TTL: variants seen among roughly 807,000 people sequenced by gnomAD.
The protein encoded by TTL is tubulin--tyrosine ligase.
Under a neutral mutation model 41.1 loss-of-function variants are expected in TTL, and 10 were observed. The observed-to-expected ratio is 0.24, with a 90% CI of 0.15 to 0.41. The LOEUF is 0.41. TTL is among the 10% of genes least tolerant of loss of function. The pLI, the probability that TTL is intolerant of heterozygous loss-of-function variation, is 1.00. For missense variants in TTL, 367 were observed against 460.4 expected (o/e 0.80, Z 1.86); for synonymous variants, 175 against 175.5 (o/e 1.00, Z 0.02).
rs1371501457 is a variant in TTL, at chr2:112,485,901, C to T, written c.158-16C>T. 1 of 1,613,098 alleles carries T rather than the reference C, an allele frequency of 6.2e-7. No homozygotes were observed. Among genetic ancestry groups the T allele is most frequent in the Admixed American group, 1.7e-5 (1 of 59,906 alleles). On this transcript the variant is annotated splice_polypyrimidine_tract_variant and intron_variant, in intron 1 of 6. Coordinates refer to ENST00000233336, the MANE Select transcript of TTL (RefSeq NM_153712.5). ...TGTGTCCTGTGTCCCTTCTGAGCCT[C>T]CTCTTTCCTTCCTAGGTCACGAGCC...
At chr2:112,497,026 T>C (rs1175431485) in intron 3 of TTL, among the ~76,000 whole-genome samples, 10 of 151,874 alleles carry the variant, frequency 6.6e-5, no homozygotes, top group Admixed American at 5.3e-4. Flanking sequence ...TTCACCACAT[T>C]AGCCAGGATG....
Position 112,537,548 on chromosome 2 carries a change from T to TA in TTL, c.*8754dup, listed in dbSNP as rs1326408109. On this transcript the variant is annotated 3_prime_UTR_variant, in exon 7 of 7. Transcript: ENST00000233336. ...AGCTATTCTGACTGGCGTGAGATGATATCTTATTGTGGTTGTGATTTCCAT... is the reference window on the plus strand; with the variant it reads ...AGCTATTCTGACTGGCGTGAGATGATAATCTTATTGTGGTTGTGATTTCCAT... 1 of 152,240 alleles carries TA rather than the reference T, an allele frequency of 6.6e-6. No individual in the cohort carries two copies. The highest frequency in any genetic ancestry group is 1.5e-5 in the Non-Finnish European group (1 of 68,052). The allele number at this position is 152,240 out of a possible 1,614,324, so 9.4% of individuals were successfully genotyped here.
chr2:112,519,538 T>C (rs764197988), intron 5 of TTL, among the ~76,000 whole-genome samples: 3 of 149,590 alleles, frequency 2.0e-5, no homozygotes, highest in Non-Finnish European at 4.4e-5. Context: ...AGCGACATCG[T>C]GAGGTCAACA....
intron 5 of TTL, among the ~76,000 whole-genome samples, chr2:112,509,477 C>T (rs557988206): frequency 5.9e-5 from 9 of 152,342 alleles, no homozygotes; most frequent in East Asian, 1.9e-4. Flanking sequence ...ACTCCGTGGG[C>T]GTAGGACCCT....
chr2:112,509,332 G>T (rs1050139732), intron 5 of TTL, among the ~76,000 whole-genome samples: 7 of 151,488 alleles, frequency 4.6e-5, no homozygotes, highest in African/African-American at 1.7e-4. Flanking sequence ...TTGAGCTGTG[G>T]TGGGCTCCAC....
At chr2:112,500,533 T>C (rs1269448215) in intron 3 of TTL, among the ~76,000 whole-genome samples, 1 of 152,168 alleles carries the variant, frequency 6.6e-6, no homozygotes, top group Non-Finnish European at 1.5e-5. Flanking sequence ...ATTGCGCCAC[T>C]GCACTCCATC....
chr2:112,523,802 GTTA>G (rs1454449376), intron 6 of TTL, among the ~76,000 whole-genome samples: 5 of 151,148 alleles, frequency 3.3e-5, no homozygotes, highest in Admixed American at 6.6e-5. Context: ...TTGACATTTT[GTTA>G]TTATTATACT....
chr2:112,486,103 A>G lies in TTL; in HGVS notation c.236+108A>G, dbSNP rs150000971. On this transcript the variant is annotated intron_variant, in intron 2 of 6. Transcript: ENST00000233336. ...ATACTTTTATTTTAAAAGCCAACAA[A>G]TATCAGTTCAGAAGCTTCCTCTAAG... The G allele has an allele frequency of 9.6e-6, 11 of 1,140,556 alleles. No individual in the cohort carries two copies. The African/African-American group carries it at 1.2e-4, about 13-fold the overall frequency. 70.7% of individuals were successfully genotyped at this position (1,140,556 alleles called of 1,614,324 possible). A position where few individuals can be genotyped will look rare whatever the true frequency, so the allele number is the denominator to read the frequency against.
At position 112,532,381 on chromosome 2, in the gene TTL, A is replaced by G. The variant is rs1174416180; in HGVS notation, c.*3586A>G. 4.4e-6 allele frequency: 1 copy of G among 226,232 alleles called. No homozygotes were observed. Among genetic ancestry groups the G allele is most frequent in the South Asian group, 1.8e-4 (1 of 5,466 alleles). 14.0% of individuals were successfully genotyped at this position (226,232 alleles called of 1,614,324 possible). On this transcript the variant is annotated 3_prime_UTR_variant, in exon 7 of 7. Transcript: ENST00000233336. ...TATGAATATTTAAAATGCCTGGAAC[A>G]CTAAAGTAAAGTAATGATATTTCAA...
Position 112,536,475 on chromosome 2 carries a change from T to G in TTL, c.*7680T>G, listed in dbSNP as rs1369737250. ...TCAAAGAGAAGTGGAGTAGCTATACTAATGTTAGACAACATAAACTTTAAG... is the reference window on the plus strand; with the variant it reads ...TCAAAGAGAAGTGGAGTAGCTATACGAATGTTAGACAACATAAACTTTAAG... On this transcript the variant is annotated 3_prime_UTR_variant, in exon 7 of 7. Transcript: ENST00000233336. 6.6e-6 allele frequency: 1 copy of G among 152,226 alleles called. No homozygotes were observed. The allele number at this position is 152,226 out of a possible 1,614,324, so 9.4% of individuals were successfully genotyped here. A position where few individuals can be genotyped will look rare whatever the true frequency, so the allele number is the denominator to read the frequency against.
rs1681685750 is a variant in TTL, at chr2:112,501,218, T to G, written c.482T>G (p.Leu161Arg). The part of the protein sequence containing the change: ...SSAGAKGEGI[L>R]ISSEASELLD... ...TTTTCCCTGTTAGGTGAAGGCATTCTCATCTCCTCAGAGGCTTCAGAGCTT... is the reference window on the plus strand; with the variant it reads ...TTTTCCCTGTTAGGTGAAGGCATTCGCATCTCCTCAGAGGCTTCAGAGCTT... Residue 161 changes from leucine (L) to arginine (R), a missense_variant, in exon 4 of 7, where the codon CTC (leucine) becomes CGC (arginine). Physicochemically the swap from Leu to Arg is moderately radical, Grantham distance 102. Coordinates refer to ENST00000233336, the MANE Select transcript of TTL (RefSeq NM_153712.5). The G allele has an allele frequency of 6.2e-7, 1 of 1,611,512 alleles. No individual in the cohort carries two copies.
At chr2:112,503,902 C>T (rs569860234) in intron 5 of TTL, among the ~76,000 whole-genome samples, 11 of 91,230 alleles carry the variant, frequency 1.2e-4, no homozygotes, top group Non-Finnish European at 1.7e-4. Flanking sequence ...CATGCTGGTG[C>T]GCTGCACCCA....
chr2:112,533,523 G>GT lies in TTL; in HGVS notation c.*4729dup, dbSNP rs1447015349. 1.3e-5 allele frequency: 2 copies of GT among 152,398 alleles called. No individual in the cohort carries two copies. The highest frequency in any genetic ancestry group is 3.9e-4 in the East Asian group (2 of 5,186). 9.4% of individuals were successfully genotyped at this position (152,398 alleles called of 1,614,324 possible). A position where few individuals can be genotyped will look rare whatever the true frequency, so the allele number is the denominator to read the frequency against. On this transcript the variant is annotated 3_prime_UTR_variant, in exon 7 of 7. Transcript: ENST00000233336. Reference sequence around the variant, plus strand: ...CCATAACAGAATGTTACAGAGAAGTGTATGTGGCTCACGGTTCTGGAGGAT... The same window carrying GT: ...CCATAACAGAATGTTACAGAGAAGTGTTATGTGGCTCACGGTTCTGGAGGAT...
chr2:112,509,881 C>A (rs1172496838), intron 5 of TTL, among the ~76,000 whole-genome samples: 1 of 152,160 alleles, frequency 6.6e-6, no homozygotes, highest in Non-Finnish European at 1.5e-5. Flanking sequence ...TGATCTACCC[C>A]CCTCGGCCTC....
At position 112,503,067 on chromosome 2, in the gene TTL, G is replaced by A; in HGVS notation, c.761G>A (p.Gly254Glu). ...CAAAAAGAGTATTCAAAGAACTACG[G>A]GAAGTATGAAGAAGGAAATGAAATG... ...CIQKEYSKNYGKYEEGNEMFF... is the reference protein window; with the variant it reads ...CIQKEYSKNYEKYEEGNEMFF... The change falls in exon 5 of 7, where the codon GGG becomes GAG. Residue 254 changes from glycine to glutamate, a missense_variant. Gly to Glu is a moderately conservative substitution (Grantham distance 98). Transcript: ENST00000233336. 6.2e-7 allele frequency: 1 copy of A among 1,613,908 alleles called. No individual in the cohort carries two copies. The highest frequency in any genetic ancestry group is 8.5e-7 in the Non-Finnish European group (1 of 1,179,998).
At chr2:112,527,495 G>A (rs138647895) in intron 6 of TTL, among the ~76,000 whole-genome samples, 9 of 152,046 alleles carry the variant, frequency 5.9e-5, no homozygotes, top group Non-Finnish European at 1.0e-4. Flanking sequence ...ATCTGGGTGC[G>A]CCTGTATTGG....
At chr2:112,513,817 G>T (rs559571372) in intron 5 of TTL, among the ~76,000 whole-genome samples, 1 of 152,142 alleles carries the variant, frequency 6.6e-6, no homozygotes, top group Admixed American at 6.5e-5. Flanking sequence ...GCAAAATGAA[G>T]AAGTGATAAA....
chr2:112,487,653 A>G (rs1681275262), intron 2 of TTL, among the ~76,000 whole-genome samples: 1 of 152,138 alleles, frequency 6.6e-6, no homozygotes, highest in African/African-American at 2.4e-5. Context: ...TCATCTGTAA[A>G]ATGGGGATGG....
chr2:112,532,491 C>T lies in TTL; in HGVS notation c.*3696C>T, dbSNP rs1044881435. On this transcript the variant is annotated 3_prime_UTR_variant, in exon 7 of 7. Transcript: ENST00000233336. The stretch of plus-strand genomic sequence containing the variant: ...CATTTAAATTCACCATATAATTAGC[C>T]GGGCATGGTGGCATGTGGTGGTGGC... 2.3e-5 allele frequency: 5 copies of T among 216,952 alleles called. No homozygotes were observed. Among genetic ancestry groups the T allele is most frequent in the Non-Finnish European group, 3.7e-5 (4 of 107,858 alleles). 13.4% of individuals were successfully genotyped at this position (216,952 alleles called of 1,614,324 possible). A position where few individuals can be genotyped will look rare whatever the true frequency, so the allele number is the denominator to read the frequency against.
Sources: gnomAD v4.1 joint callset for allele counts (sites outside exome capture counted in the v4.1 genomes callset) on GRCh38, gnomAD v4.1.1 for gene constraint, MANE v1.5 for transcripts, NCBI Gene and HGNC (gene_info 2026-07-23, HGNC 2026-07-21) for gene names.